Variants in LAP3 observed in about 807,000 individuals in gnomAD.
LAP3 encodes the protein leucine aminopeptidase 3, also known as cytosol aminopeptidase.
LAP3 carries 46 observed loss-of-function variants against 58.8 expected under a neutral mutation model. That is an observed-to-expected ratio of 0.78 (90% CI 0.62 to 1.00). LAP3 has a LOEUF of 1.00. Ranked by LOEUF, LAP3 falls within the 50% of genes least tolerant of loss-of-function variation. The probability of loss-of-function intolerance (pLI) is 0.00; values close to 1 mark genes in which losing one functional copy is unlikely to be tolerated. For synonymous variants in LAP3, 257 were observed against 237.7 expected, an observed-to-expected ratio of 1.08 and a Z score of -0.75; for missense variants, 615 against 659.1, an observed-to-expected ratio of 0.93 and a Z score of 0.73.
chr4:17,581,617 C>T, intron 2 of LAP3, 143 bp from the exon 3 acceptor site: 1 of 607,248 alleles, frequency 1.6e-6, no homozygotes, highest in Non-Finnish European at 2.9e-6. Flanking sequence ...TGAGAGCATT[C>T]TGTATTTGGA....
intron 9 of LAP3, among the ~76,000 whole-genome samples, chr4:17,597,505 G>A (rs1246283684): frequency 6.6e-6 from 1 of 152,200 alleles, no homozygotes; most frequent in Non-Finnish European, 1.5e-5. Flanking sequence ...CTAGACTCAA[G>A]TGATCTGCCC....
At chr4:17,588,999 CTTTGTA>C in intron 7 of LAP3, 22 bp downstream of exon 7, 1 of 1,603,016 alleles carries the variant, frequency 6.2e-7, no homozygotes, top group African/African-American at 1.3e-5. Flanking sequence ...GGTGTCCGTG[CTTTGTA>C]TTTTGGTGAA....
chr4:17,581,392 A>G (rs1713357419), intron 2 of LAP3, among the ~76,000 whole-genome samples: 1 of 152,140 alleles, frequency 6.6e-6, no homozygotes, highest in African/African-American at 2.4e-5. Flanking sequence ...AAAGTTTGTT[A>G]AATAGTTTTT....
In LAP3 at chr4:17,577,309, C is replaced by T; in HGVS notation, c.-157C>T. 5.8e-6 allele frequency: 3 copies of T among 520,058 alleles called. No homozygotes were observed. Among genetic ancestry groups the T allele is most frequent in the Non-Finnish European group, 9.9e-6 (3 of 303,718 alleles). 32.2% of individuals were successfully genotyped at this position (520,058 alleles called of 1,614,324 possible). A position where few individuals can be genotyped will look rare whatever the true frequency, so the allele number is the denominator to read the frequency against. On this transcript the variant is annotated 5_prime_UTR_variant, in exon 1 of 13. Transcript: ENST00000226299. Reference sequence around the variant, plus strand: ...AGCGGTCCAGTCGGCCGGTGCTGCCCATCCGTCCCGCCCCCTAGACGCACG... The same window carrying T: ...AGCGGTCCAGTCGGCCGGTGCTGCCTATCCGTCCCGCCCCCTAGACGCACG...
At chr4:17,584,198 C>T (rs1713444103) in intron 5 of LAP3, among the ~76,000 whole-genome samples, 1 of 152,256 alleles carries the variant, frequency 6.6e-6, no homozygotes, top group East Asian at 1.9e-4. Context: ...AGCCAGTCAG[C>T]ATGGGCTTAA....
At position 17,577,207 on chromosome 4, in the gene LAP3, TGCG is replaced by T. The variant is rs1713211645; in HGVS notation, c.-257_-255del. The T allele has an allele frequency of 1.3e-5, 4 of 301,854 alleles. No individual in the cohort carries two copies. The African/African-American group carries it at 1.5e-4, about 12-fold the overall frequency. 18.7% of individuals were successfully genotyped at this position (301,854 alleles called of 1,614,324 possible). ...GCCCGCATGCGCGGGCGCACACGAA[TGCG>T]GGCGCACACGAATGCGGGCGCACAC... On this transcript the variant is annotated 5_prime_UTR_variant, in exon 1 of 13. Transcript: ENST00000226299.
At chr4:17,582,099 A>G (rs1403286835) in intron 3 of LAP3, 189 bp from the exon 4 acceptor site, 2 of 614,370 alleles carry the variant, frequency 3.3e-6, no homozygotes, top group Non-Finnish European at 5.8e-6. Context: ...TATAAGTTAT[A>G]CAATTTTGCC....
At chr4:17,598,336 T>C in intron 9 of LAP3, 120 bp from the exon 10 acceptor site, 1 of 737,160 alleles carries the variant, frequency 1.4e-6, no homozygotes, top group Non-Finnish European at 2.5e-6. Context: ...TATGAATGGT[T>C]TGATAATGAC....
At position 17,604,635 on chromosome 4, in the gene LAP3, A is replaced by G. The variant is rs762137285; in HGVS notation, c.1228A>G (p.Asn410Asp). ...ATCAGGTGCCACTGGGGTCTTTACC[A>G]ATTCATCCTGGCTCTGGAACAAACT... Reference protein sequence around the residue: ...LGSGATGVFTNSSWLWNKLFE... With the variant: ...LGSGATGVFTDSSWLWNKLFE... The change falls in exon 11 of 13, where the codon AAT becomes GAT. Residue 410 changes from asparagine (N) to aspartate (D), a missense_variant. Asn to Asp is a conservative substitution (Grantham distance 23). Transcript: ENST00000226299. 2.1e-5 allele frequency: 34 copies of G among 1,613,766 alleles called. No individual in the cohort carries two copies. Among genetic ancestry groups the G allele is most frequent in the Non-Finnish European group, 2.9e-5 (34 of 1,179,770 alleles).
At chr4:17,603,697 A>G (rs1056099914) in intron 10 of LAP3, among the ~76,000 whole-genome samples, 3 of 151,694 alleles carry the variant, frequency 2.0e-5, no homozygotes, top group Admixed American at 2.0e-4. Flanking sequence ...TATTTTTAGT[A>G]GAGACAGGGT....
At position 17,595,868 on chromosome 4, in the gene LAP3, C is replaced by A. The variant is rs147930480; in HGVS notation, c.988+334C>A. Among the ~76,000 whole-genome samples the A allele has an allele frequency of 4.1e-3, 622 of 152,160 alleles. 4 individuals carry two copies. Among genetic ancestry groups the A allele is most frequent in the African/African-American group, 0.015 (603 of 41,480 alleles). On this transcript the variant is annotated intron_variant, in intron 8 of 12. Coordinates refer to ENST00000226299, the MANE Select transcript of LAP3 (RefSeq NM_015907.3). Reference sequence around the variant, plus strand: ...TGGCAGGACGTTGCTGGCTCATTGACTGATTGCTTCGTAGGATTGTGGCCG... The same window carrying A: ...TGGCAGGACGTTGCTGGCTCATTGAATGATTGCTTCGTAGGATTGTGGCCG...
At chr4:17,597,390 C>T (rs1713857142) in intron 9 of LAP3, among the ~76,000 whole-genome samples, 1 of 152,202 alleles carries the variant, frequency 6.6e-6, no homozygotes, top group Admixed American at 6.5e-5. Context: ...GGTCCTCACA[C>T]CTTAGCGACC....
Position 17,597,102 on chromosome 4 carries a change from G to A in LAP3, c.1045G>A (p.Val349Ile). Residue 349 changes from valine (V) to isoleucine (I), a missense_variant, in exon 9 of 13, where the codon GTT (valine) becomes ATT (isoleucine). Physicochemically the swap from Val to Ile is conservative, Grantham distance 29. Coordinates refer to ENST00000226299, the MANE Select transcript of LAP3 (RefSeq NM_015907.3). ...CGGCAAGGCCAACAAGCCGGGGGATGTTGTTAGAGCCAAAAACGGGAAGAC... is the reference window on the plus strand; with the variant it reads ...CGGCAAGGCCAACAAGCCGGGGGATATTGTTAGAGCCAAAAACGGGAAGAC... ...PSGKANKPGD[V>I]VRAKNGKTIQ... The A allele has an allele frequency of 2.5e-6, 4 of 1,614,244 alleles. No homozygotes were observed. Among genetic ancestry groups the A allele is most frequent in the African/African-American group, 1.3e-5 (1 of 75,074 alleles).
chr4:17,591,878 G>A (rs1713695931), intron 7 of LAP3, among the ~76,000 whole-genome samples: 1 of 152,102 alleles, frequency 6.6e-6, no homozygotes, highest in Non-Finnish European at 1.5e-5. Flanking sequence ...TAACTGAAGG[G>A]TTTCCACCAA....
intron 10 of LAP3, 22 bp from the exon 11 acceptor site, chr4:17,604,566 C>A: frequency 2.5e-6 from 4 of 1,608,176 alleles, no homozygotes; most frequent in Non-Finnish European, 3.4e-6. Flanking sequence ...CTGCACGTGA[C>A]CTGAGGGCTT....
chr4:17,583,384 C>A, intron 4 of LAP3, 99 bp from the exon 5 acceptor site: 1 of 1,312,164 alleles, frequency 7.6e-7, no homozygotes, highest in South Asian at 1.3e-5. Context: ...ATTTGAACCC[C>A]AGGGCTGTTT....
At chr4:17,606,757 G>T in intron 11 of LAP3, 72 bp from the exon 12 acceptor site, 1 of 880,210 alleles carries the variant, frequency 1.1e-6, no homozygotes, top group South Asian at 1.5e-5. Context: ...TTCATGCATT[G>T]AGCATGTTAA....
chr4:17,598,716 T>C (rs1009776195), intron 10 of LAP3, among the ~76,000 whole-genome samples, 158 bp downstream of exon 10: 1 of 152,038 alleles, frequency 6.6e-6, no homozygotes, highest in Admixed American at 6.6e-5. Flanking sequence ...AGTTGTAAAA[T>C]GTTTTGAATA....
At chr4:17,596,726 C>G (rs1713839900) in intron 8 of LAP3, among the ~76,000 whole-genome samples, 1 of 152,194 alleles carries the variant, frequency 6.6e-6, no homozygotes. Flanking sequence ...AGACCCTATT[C>G]CTGTTTTCTT....
Sources: gnomAD v4.1 joint callset for allele counts (sites outside exome capture counted in the v4.1 genomes callset) on GRCh38, gnomAD v4.1.1 for gene constraint, MANE v1.5 for transcripts, NCBI Gene and HGNC (gene_info 2026-07-23, HGNC 2026-07-21) for gene names.